The following EYA2 variants were observed in gnomAD, a reference collection of about 807,000 sequenced individuals.
EYA2 encodes the protein protein phosphatase EYA2.
A neutral mutation model predicts 69.2 loss-of-function variants in EYA2; 31 were observed. The observed-to-expected ratio is 0.45, with a 90% confidence interval of 0.34 to 0.60. The LOEUF (loss-of-function observed/expected upper bound fraction) is 0.60, where lower values mean the gene tolerates loss of function less well. Among genes scored for constraint, EYA2 ranks in the 20% least tolerant of loss-of-function variants. The probability of loss-of-function intolerance (pLI) is 0.02; values close to 1 mark genes in which losing one functional copy is unlikely to be tolerated. For synonymous variants in EYA2, 257 were observed against 279.4 expected (o/e 0.92, Z 0.80); for missense variants, 622 against 701.2 (o/e 0.89, Z 1.28).
intron 1 of EYA2, among the ~76,000 whole-genome samples, chr20:46,897,720 G>A (rs991766642): frequency 6.6e-5 from 10 of 152,204 alleles, no homozygotes; most frequent in Non-Finnish European, 1.2e-4. Flanking sequence ...GAGAGCCTGT[G>A]GCTGTCAGGA....
chr20:46,986,371 A>G (rs1981190555), intron 1 of EYA2, among the ~76,000 whole-genome samples: 1 of 20,722 alleles, frequency 4.8e-5, no homozygotes, highest in South Asian at 2.1e-3. Flanking sequence ...TATATTATAT[A>G]TTATGTATTA....
At chr20:47,179,248 AGG>A (rs2034483810) in intron 12 of EYA2, among the ~76,000 whole-genome samples, 1 of 122,092 alleles carries the variant, frequency 8.2e-6, no homozygotes, top group African/African-American at 3.0e-5. Flanking sequence ...TTGGGTGGAT[AGG>A]TGGGTGGGTA....
intron 1 of EYA2, among the ~76,000 whole-genome samples, chr20:46,981,333 A>ATT (rs1279406969): frequency 3.3e-5 from 5 of 152,210 alleles, no homozygotes; most frequent in Non-Finnish European, 7.3e-5. Flanking sequence ...GCTTGTTCAC[A>ATT]TTCCTATACT....
chr20:46,927,223 C>T (rs1985452742), intron 1 of EYA2, among the ~76,000 whole-genome samples: 1 of 152,168 alleles, frequency 6.6e-6, no homozygotes, highest in Non-Finnish European at 1.5e-5. Context: ...TCACAGATGC[C>T]CCTTCCCTCA....
At chr20:47,147,531 T>C (rs2033727395) in intron 10 of EYA2, among the ~76,000 whole-genome samples, 1 of 151,974 alleles carries the variant, frequency 6.6e-6, no homozygotes, top group African/African-American at 2.4e-5. Flanking sequence ...ACAGGAAGAA[T>C]TGTGGTGGGC....
chr20:47,018,003 C>T (rs1049568043), intron 5 of EYA2, among the ~76,000 whole-genome samples: 2 of 152,186 alleles, frequency 1.3e-5, no homozygotes, highest in African/African-American at 4.8e-5. Flanking sequence ...TGTCCCCAGT[C>T]GGGCCTTTCT....
chr20:47,115,571 G>A (rs1386728634), intron 9 of EYA2, among the ~76,000 whole-genome samples: 1 of 151,962 alleles, frequency 6.6e-6, no homozygotes, highest in Non-Finnish European at 1.5e-5. Flanking sequence ...CATCATTGCT[G>A]TGTCTGTCTC....
chr20:47,035,843 G>GAAA (rs759181911), intron 5 of EYA2, among the ~76,000 whole-genome samples: 1 of 143,342 alleles, frequency 7.0e-6, no homozygotes, highest in Non-Finnish European at 1.5e-5. Context: ...CCCCGTCTCT[G>GAAA]AAAAAAAAAA....
At chr20:47,169,318 C>T in intron 11 of EYA2, 121 bp downstream of exon 11, 2 of 931,698 alleles carry the variant, frequency 2.1e-6, no homozygotes, top group Middle Eastern at 2.1e-4. Context: ...TGCCTGCCTC[C>T]AGCCAGAACT....
intron 9 of EYA2, among the ~76,000 whole-genome samples, chr20:47,102,719 C>A (rs1402788022): frequency 6.6e-6 from 1 of 152,206 alleles, no homozygotes; most frequent in East Asian, 1.9e-4. Flanking sequence ...CTTTCCATTT[C>A]TTCCTCCCCA....
intron 1 of EYA2, among the ~76,000 whole-genome samples, chr20:46,951,118 G>T (rs530705625): frequency 6.6e-6 from 1 of 152,254 alleles, no homozygotes; most frequent in Non-Finnish European, 1.5e-5. Context: ...TTGCCGAAGG[G>T]ATTTAGGCAA....
At chr20:47,140,153 A>G (rs1195926404) in intron 9 of EYA2, among the ~76,000 whole-genome samples, 1 of 152,154 alleles carries the variant, frequency 6.6e-6, no homozygotes, top group African/African-American at 2.4e-5. Flanking sequence ...GTCAAAGAGG[A>G]GTGTGTGATT....
At chr20:46,989,961 A>T in intron 1 of EYA2, 40 bp from the exon 2 acceptor site, 1 of 1,033,346 alleles carries the variant, frequency 9.7e-7, no homozygotes, top group Non-Finnish European at 1.5e-6. Context: ...AAGCATGCAT[A>T]ATTAATGAAT....
rs566898532 is a variant in EYA2, at chr20:47,136,018, CAAA to C, written c.889-7037_889-7035del. Among the ~76,000 whole-genome samples, 929 of 150,436 alleles carry C rather than the reference CAAA, an allele frequency of 6.2e-3. 14 individuals are homozygous for C. The highest frequency in any genetic ancestry group is 0.022 in the African/African-American group (900 of 40,964). ...GGTGACATAGGTAGTAGACCTGTCT[CAAA>C]AAAGAAAAGAAAGAAACAGAAAACT... On this transcript the variant is annotated intron_variant, in intron 9 of 15. Coordinates refer to ENST00000327619, the MANE Select transcript of EYA2 (RefSeq NM_005244.5).
chr20:47,179,672 G>A (rs1317755372), intron 12 of EYA2, 126 bp from the exon 13 acceptor site: 2 of 620,380 alleles, frequency 3.2e-6, no homozygotes, highest in Non-Finnish European at 5.7e-6. Context: ...CCACTGGATT[G>A]AAGTTTACTT....
chr20:47,173,062 G>A (rs6094619), intron 12 of EYA2, among the ~76,000 whole-genome samples, 195 bp downstream of exon 12: 4,697 of 152,234 alleles, frequency 0.031, 243 homozygotes, highest in African/African-American at 0.1. Flanking sequence ...TGGGAAAGCT[G>A]AGGGACGGAG....
intron 1 of EYA2, among the ~76,000 whole-genome samples, chr20:46,916,286 A>T (rs1984898328): frequency 1.3e-5 from 2 of 152,186 alleles, no homozygotes; most frequent in Admixed American, 1.3e-4. Flanking sequence ...AGAAGTTTTT[A>T]AAAGTTGAAA....
chr20:47,125,947 A>G (rs2033180716), intron 9 of EYA2, among the ~76,000 whole-genome samples: 1 of 152,152 alleles, frequency 6.6e-6, no homozygotes, highest in East Asian at 1.9e-4. Context: ...GCTGAAGCAC[A>G]TGTGTCCTGA....
At chr20:47,057,859 G>A (rs755390354) in intron 5 of EYA2, among the ~76,000 whole-genome samples, 18 of 152,206 alleles carry the variant, frequency 1.2e-4, no homozygotes, top group Non-Finnish European at 2.2e-4. Context: ...GAGGCAGGAC[G>A]GCCTGCTGGC....
Sources: gnomAD v4.1 joint callset for allele counts (sites outside exome capture counted in the v4.1 genomes callset) on GRCh38, gnomAD v4.1.1 for gene constraint, MANE v1.5 for transcripts, NCBI Gene and HGNC (gene_info 2026-07-23, HGNC 2026-07-21) for gene names.